CCDC6: variants seen among roughly 807,000 people sequenced by gnomAD.
CCDC6 encodes coiled-coil domain containing 6, also known as coiled-coil domain-containing protein 6.
In CCDC6, 20 loss-of-function variants were observed where a neutral mutation model predicts 56.6. The observed-to-expected ratio is 0.35, with a 90% CI of 0.25 to 0.51. The LOEUF (loss-of-function observed/expected upper bound fraction) is 0.51. CCDC6 is among the 20% of genes least tolerant of loss of function. The pLI is 0.95. For missense variants in CCDC6, 367 were observed against 601.1 expected, an observed-to-expected ratio of 0.61 and a Z score of 4.07; for synonymous variants, 241 against 234.4, an observed-to-expected ratio of 1.03 and a Z score of -0.26.
rs950558025 is a variant in CCDC6 at position 59,792,065 on chromosome 10, A to C, written c.*852T>G. ...ATGAAGTACGAAAGGGGGAAGCCGC[A>C]TTGTTTTTGTTACAATCACACTGCC... On this transcript the variant is annotated 3_prime_UTR_variant, in exon 9 of 9. Coordinates refer to ENST00000263102, the MANE Select transcript of CCDC6 (RefSeq NM_005436.5). 1 of 227,612 alleles carries C rather than the reference A, an allele frequency of 4.4e-6. No individual in the cohort carries two copies. Among genetic ancestry groups the C allele is most frequent in the Non-Finnish European group, 8.7e-6 (1 of 114,452 alleles). 14.1% of individuals were successfully genotyped at this position (227,612 alleles called of 1,614,324 possible). A position where few individuals can be genotyped will look rare whatever the true frequency, so the allele number is the denominator to read the frequency against.
chr10:59,797,876 G>C (rs902245543), intron 7 of CCDC6, among the ~76,000 whole-genome samples: 1 of 152,036 alleles, frequency 6.6e-6, no homozygotes, highest in Non-Finnish European at 1.5e-5. Context: ...TAGGAGTCCA[G>C]GATCATCTCC....
In CCDC6 at chr10:59,798,776, C is replaced by T. The variant is rs1352248290; in HGVS notation, c.1106-4179G>A. On this transcript the variant is annotated intron_variant, in intron 7 of 8. Coordinates refer to ENST00000263102, the MANE Select transcript of CCDC6 (RefSeq NM_005436.5). Reference sequence around the variant, plus strand: ...TTGGGAGGCTGAGGTGGATGGATCACGAGGTCAGGAGTTCGAGACCAGCCT... The same window carrying T: ...TTGGGAGGCTGAGGTGGATGGATCATGAGGTCAGGAGTTCGAGACCAGCCT... 3.3e-5 allele frequency among the ~76,000 whole-genome samples: 5 copies of T among 152,090 alleles called. No homozygotes were observed. In the East Asian group the frequency reaches 5.8e-4, roughly 18 times the overall value.
chr10:59,843,789 A>C (rs1488365539), intron 2 of CCDC6, among the ~76,000 whole-genome samples: 2 of 152,184 alleles, frequency 1.3e-5, no homozygotes, highest in Non-Finnish European at 2.9e-5. Context: ...TGTGTCTCTC[A>C]TTTACCCAGC....
intron 2 of CCDC6, among the ~76,000 whole-genome samples, chr10:59,841,720 T>A (rs2070941199): frequency 6.6e-6 from 1 of 151,360 alleles, no homozygotes; most frequent in Admixed American, 6.6e-5. Context: ...CAGGCTGGAG[T>A]GCGTTGGCGT....
chr10:59,834,018 C>T (rs2132644727), intron 2 of CCDC6, among the ~76,000 whole-genome samples: 1 of 152,236 alleles, frequency 6.6e-6, no homozygotes, highest in East Asian at 1.9e-4. Flanking sequence ...TGAGCACCTA[C>T]CACACCCTGT....
intron 1 of CCDC6, among the ~76,000 whole-genome samples, chr10:59,867,871 G>C (rs1358404846): frequency 2.0e-5 from 3 of 152,060 alleles, no homozygotes; most frequent in Non-Finnish European, 4.4e-5. Flanking sequence ...CCCCGGCCAA[G>C]AAAAATTTTA....
intron 1 of CCDC6, among the ~76,000 whole-genome samples, chr10:59,884,391 T>C (rs2071367576): frequency 6.6e-6 from 1 of 152,208 alleles, no homozygotes; most frequent in Admixed American, 6.5e-5. Context: ...CAAAAGCACA[T>C]ACTCTAAAAA....
At chr10:59,872,904 C>A (rs1332893756) in intron 1 of CCDC6, among the ~76,000 whole-genome samples, 1 of 152,132 alleles carries the variant, frequency 6.6e-6, no homozygotes, top group African/African-American at 2.4e-5. Context: ...CACAGGTCCT[C>A]GATCCTTTAA....
intron 4 of CCDC6, 108 bp downstream of exon 4, chr10:59,814,544 A>G (rs2070697137): frequency 3.0e-6 from 2 of 672,992 alleles, no homozygotes; most frequent in African/African-American, 3.6e-5. Flanking sequence ...AATGATGTGC[A>G]TCACCAAAGA....
At position 59,861,327 on chromosome 10, in the gene CCDC6, C is replaced by T. The variant is rs899118603; in HGVS notation, c.304-8625G>A. 2.0e-5 allele frequency among the ~76,000 whole-genome samples: 3 copies of T among 151,016 alleles called. No homozygotes were observed. In the South Asian group the frequency reaches 6.3e-4, roughly 32 times the overall value. ...AGAGCCTTGATCGTGCCACTGCACT[C>T]TAGCCTGGGCAACGGAGTAAGACTT... On this transcript the variant is annotated intron_variant, in intron 1 of 8. Coordinates refer to ENST00000263102, the MANE Select transcript of CCDC6 (RefSeq NM_005436.5).
chr10:59,886,939 T>A (rs1414217080), intron 1 of CCDC6, among the ~76,000 whole-genome samples: 2 of 152,210 alleles, frequency 1.3e-5, no homozygotes, highest in African/African-American at 4.8e-5. Flanking sequence ...TATGTCACTG[T>A]CCATTTACCA....
rs1369911033 is a variant in CCDC6 at position 59,876,556 on chromosome 10, T to G, written c.304-23854A>C. Among the ~76,000 whole-genome samples the G allele has an allele frequency of 2.8e-5, 4 of 141,492 alleles. No homozygotes were observed. The East Asian group carries it at 8.2e-4, about 29-fold the overall frequency. The allele number at this position is 141,492 out of a possible 152,430, so 92.8% of individuals were successfully genotyped here. A position where few individuals can be genotyped will look rare whatever the true frequency, so the allele number is the denominator to read the frequency against. ...ACCAAACTTTTAAGATAAAGATAGC[T>G]GCCGTGTTATATAAACTACACCTGT... is the stretch of plus-strand genomic sequence containing the variant. On this transcript the variant is annotated intron_variant, in intron 1 of 8. Transcript: ENST00000263102.
intron 2 of CCDC6, 72 bp downstream of exon 2, chr10:59,852,481 C>T: frequency 1.6e-6 from 2 of 1,249,866 alleles, no homozygotes; most frequent in South Asian, 1.6e-5. Context: ...AAGCAAAGTG[C>T]TATATCAAAG....
intron 1 of CCDC6, among the ~76,000 whole-genome samples, chr10:59,853,000 C>T (rs772241022): frequency 3.3e-5 from 5 of 152,158 alleles, no homozygotes; most frequent in African/African-American, 4.8e-5. Flanking sequence ...ATGAAACTGT[C>T]CCAAATCAAT....
intron 1 of CCDC6, among the ~76,000 whole-genome samples, chr10:59,905,159 G>C (rs1050748333): frequency 6.6e-6 from 1 of 152,132 alleles, no homozygotes; most frequent in African/African-American, 2.4e-5. Context: ...AGGGATGATA[G>C]GTGAGAGTAC....
At chr10:59,832,411 G>T in intron 3 of CCDC6, 114 bp downstream of exon 3, 1 of 910,672 alleles carries the variant, frequency 1.1e-6, no homozygotes, top group Non-Finnish European at 1.7e-6. Context: ...TCCACAGTGG[G>T]GAGAGAAAGC....
chr10:59,797,683 T>TG (rs1554881899), intron 7 of CCDC6, among the ~76,000 whole-genome samples: 1 of 140,524 alleles, frequency 7.1e-6, no homozygotes, highest in African/African-American at 2.7e-5. Flanking sequence ...AGTGAGAGTG[T>TG]TGTGTGTGTG....
At chr10:59,821,591 C>T (rs895769072) in intron 3 of CCDC6, among the ~76,000 whole-genome samples, 26 of 152,250 alleles carry the variant, frequency 1.7e-4, no homozygotes, top group African/African-American at 6.0e-4. Context: ...TGATTGCTTT[C>T]AGAATTTTAA....
chr10:59,837,778 G>GA (rs2070897109), intron 2 of CCDC6, among the ~76,000 whole-genome samples: 1 of 120,130 alleles, frequency 8.3e-6, no homozygotes, highest in African/African-American at 3.2e-5. Context: ...AAAGAAAGAA[G>GA]AAGAAGCTTG....
Sources: allele counts gnomAD v4.1 joint callset (sites outside exome capture counted in the v4.1 genomes callset), GRCh38; gene constraint gnomAD v4.1.1; transcripts MANE v1.5; gene names NCBI Gene and HGNC (gene_info 2026-07-23, HGNC 2026-07-21).